Variants in ARHGAP19 observed in about 807,000 individuals in gnomAD.
ARHGAP19 encodes Rho GTPase activating protein 19, also known as rho GTPase-activating protein 19.
Under a neutral mutation model 60.9 loss-of-function variants are expected in ARHGAP19, and 48 were observed. That is an observed-to-expected ratio of 0.79 (90% confidence interval 0.62 to 1.00). The LOEUF is 1.00. Ranked by LOEUF, ARHGAP19 falls within the 50% of genes least tolerant of loss-of-function variation. The pLI is 0.00. For synonymous variants in ARHGAP19, 209 were observed against 215.5 expected (o/e 0.97, Z 0.27); for missense variants, 562 against 597.2 (o/e 0.94, Z 0.61).
Position 97,223,002 on chromosome 10 carries a change from G to C in ARHGAP19, c.*3120C>G, listed in dbSNP as rs1011918940. On this transcript the variant is annotated 3_prime_UTR_variant, in exon 12 of 12. Coordinates refer to ENST00000358531, the MANE Select transcript of ARHGAP19 (RefSeq NM_032900.6). Reference sequence around the variant, plus strand: ...TGCATGCTAACACAGGCTGCTGTGAGGGAAACTGAACAGAAACGTTCCTAC... The same window carrying C: ...TGCATGCTAACACAGGCTGCTGTGACGGAAACTGAACAGAAACGTTCCTAC... 3.3e-5 allele frequency: 5 copies of C among 152,180 alleles called. No homozygotes were observed. The highest frequency in any genetic ancestry group is 5.9e-5 in the Non-Finnish European group (4 of 68,036). The allele number at this position is 152,180 out of a possible 1,614,324, so 9.4% of individuals were successfully genotyped here.
chr10:97,259,770 G>A, intron 4 of ARHGAP19, 142 bp from the exon 5 acceptor site: 1 of 640,210 alleles, frequency 1.6e-6, no homozygotes, highest in South Asian at 1.9e-5. Flanking sequence ...AAAGACTACA[G>A]CAAAACATAA....
chr10:97,235,997 G>A lies in ARHGAP19; in HGVS notation c.1186-682C>T, dbSNP rs145817318. ...TGATGATGTTGCTGTTGTTGCTGGA[G>A]ACAGAGTCTCACTCTGTTGCCAGGC... On this transcript the variant is annotated intron_variant, in intron 8 of 11. Coordinates refer to ENST00000358531, the MANE Select transcript of ARHGAP19 (RefSeq NM_032900.6). 2.5e-3 allele frequency among the ~76,000 whole-genome samples: 373 copies of A among 152,186 alleles called. 4 individuals are homozygous for A. Among genetic ancestry groups the A allele is most frequent in the African/African-American group, 8.6e-3 (356 of 41,540 alleles).
At chr10:97,263,003 C>T (rs1233605045) in intron 4 of ARHGAP19, among the ~76,000 whole-genome samples, 1 of 152,092 alleles carries the variant, frequency 6.6e-6, no homozygotes, top group Admixed American at 6.6e-5. Context: ...GTCCCAGCTA[C>T]TTGGGAGGCT....
chr10:97,229,042 C>A, intron 11 of ARHGAP19, 105 bp downstream of exon 11: 2 of 1,158,328 alleles, frequency 1.7e-6, no homozygotes, highest in South Asian at 2.5e-5. Context: ...TTTTATGTCA[C>A]TTCTGACTAC....
Position 97,223,394 on chromosome 10 carries a change from T to C in ARHGAP19, c.*2728A>G, listed in dbSNP as rs540123838. On this transcript the variant is annotated 3_prime_UTR_variant, in exon 12 of 12. Coordinates refer to ENST00000358531, the MANE Select transcript of ARHGAP19 (RefSeq NM_032900.6). ...TTGGTCCCAATGCAAAAGTCTATCA[T>C]TGTAAAAGGTGAGAAATTCCAACGC... 12 of 152,286 alleles carry C rather than the reference T, an allele frequency of 7.9e-5. No homozygotes were observed. The highest frequency in any genetic ancestry group is 3.3e-4 in the Admixed American group (5 of 15,288). 9.4% of individuals were successfully genotyped at this position (152,286 alleles called of 1,614,324 possible). A position where few individuals can be genotyped will look rare whatever the true frequency, so the allele number is the denominator to read the frequency against.
rs933946378 is a variant in ARHGAP19, at chr10:97,237,827, C to T, written c.1186-2512G>A. On this transcript the variant is annotated intron_variant, in intron 8 of 11. Coordinates refer to ENST00000358531, the MANE Select transcript of ARHGAP19 (RefSeq NM_032900.6). ...CAGAGGTTGCAGTGAGCCAAGTCTG[C>T]GTCATTGCACTCCAGCCTGGGCGAA... 2.0e-5 allele frequency among the ~76,000 whole-genome samples: 3 copies of T among 151,682 alleles called. No individual in the cohort carries two copies. In the East Asian group the frequency reaches 5.8e-4, roughly 29 times the overall value.
At chr10:97,242,392 A>G (rs1842500973) in intron 8 of ARHGAP19, among the ~76,000 whole-genome samples, 2 of 128,126 alleles carry the variant, frequency 1.6e-5, no homozygotes, top group East Asian at 4.5e-4. Flanking sequence ...GGAGTGCAAT[A>G]GCACGATCTC....
At chr10:97,227,339 C>T (rs1850916200) in intron 11 of ARHGAP19, among the ~76,000 whole-genome samples, 1 of 152,128 alleles carries the variant, frequency 6.6e-6, no homozygotes, top group Non-Finnish European at 1.5e-5. Flanking sequence ...GAGTTCAGAC[C>T]TGGCATTGCC....
At chr10:97,283,036 T>G (rs2134922569) in intron 1 of ARHGAP19, among the ~76,000 whole-genome samples, 1 of 150,282 alleles carries the variant, frequency 6.7e-6, no homozygotes, top group South Asian at 2.1e-4. Context: ...AGAGACGGGG[T>G]TTCACCATAT....
At chr10:97,235,183 A>C (rs966645405) in intron 9 of ARHGAP19, 34 bp downstream of exon 9, 1 of 1,540,334 alleles carries the variant, frequency 6.5e-7, no homozygotes, top group African/African-American at 1.4e-5. Flanking sequence ...TTTCCTAAAA[A>C]TCAATGCTGA....
chr10:97,226,693 A>T (rs775174114), intron 11 of ARHGAP19, among the ~76,000 whole-genome samples: 5 of 152,240 alleles, frequency 3.3e-5, no homozygotes, highest in Non-Finnish European at 7.3e-5. Flanking sequence ...TAGAAGAAAA[A>T]CTAGTTACAG....
chr10:97,254,942 G>T (rs374791963), intron 6 of ARHGAP19, among the ~76,000 whole-genome samples: 12 of 152,278 alleles, frequency 7.9e-5, no homozygotes, highest in Admixed American at 7.2e-4. Flanking sequence ...AGCACACTAT[G>T]CTAAGTATAA....
intron 5 of ARHGAP19, 120 bp downstream of exon 5, chr10:97,259,282 C>T: frequency 1.2e-6 from 1 of 801,280 alleles, no homozygotes; most frequent in South Asian, 1.7e-5. Context: ...AGTAAGTTCC[C>T]AACCTCATAA....
chr10:97,269,310 G>A (rs1842934723), intron 1 of ARHGAP19, among the ~76,000 whole-genome samples: 1 of 152,190 alleles, frequency 6.6e-6, no homozygotes, highest in South Asian at 2.1e-4. Context: ...CACATCTTCA[G>A]CTGGTGGCTA....
chr10:97,270,557 AAAAC>A, intron 1 of ARHGAP19: 12 of 1,491,278 alleles, frequency 8.0e-6, no homozygotes, highest in Non-Finnish European at 1.1e-5. Context: ...ACAATATTGT[AAAAC>A]AAACGAAATA....
At chr10:97,244,885 CTTTT>C (rs529762498) in intron 7 of ARHGAP19, among the ~76,000 whole-genome samples, 187 of 131,740 alleles carry the variant, frequency 1.4e-3, no homozygotes, top group African/African-American at 5.1e-3. Flanking sequence ...TAACTTCTCA[CTTTT>C]TTTTTTTTTT....
chr10:97,252,062 A>G (rs1204330731), intron 6 of ARHGAP19, among the ~76,000 whole-genome samples: 4 of 152,048 alleles, frequency 2.6e-5, no homozygotes, highest in African/African-American at 4.8e-5. Context: ...TGGTGTTGGG[A>G]AGAGTTAAAC....
intron 1 of ARHGAP19, among the ~76,000 whole-genome samples, chr10:97,269,516 G>C (rs1464443820): frequency 6.6e-6 from 1 of 152,100 alleles, no homozygotes; most frequent in Non-Finnish European, 1.5e-5. Flanking sequence ...AAGCCAATTA[G>C]AATTAGAAGC....
chr10:97,227,875 A>G (rs1850927250), intron 11 of ARHGAP19, among the ~76,000 whole-genome samples: 1 of 152,242 alleles, frequency 6.6e-6, no homozygotes, highest in African/African-American at 2.4e-5. Context: ...CTGGTTTTTA[A>G]AAAACGTCTT....
Sources: gnomAD v4.1 joint callset for allele counts (sites outside exome capture counted in the v4.1 genomes callset) on GRCh38, gnomAD v4.1.1 for gene constraint, MANE v1.5 for transcripts, NCBI Gene and HGNC (gene_info 2026-07-23, HGNC 2026-07-21) for gene names.